REXO2: variants seen among roughly 807,000 people sequenced by gnomAD.
The protein encoded by REXO2 is oligoribonuclease, mitochondrial.
REXO2 carries 17 observed loss-of-function variants against 30.9 expected under a neutral mutation model. That is an observed-to-expected ratio of 0.55 (90% confidence interval 0.38 to 0.82). The LOEUF (loss-of-function observed/expected upper bound fraction) is 0.82. REXO2 is among the 40% of genes least tolerant of loss of function. The pLI is 0.00. For synonymous variants in REXO2, 105 were observed against 99.6 expected, an observed-to-expected ratio of 1.05 and a Z score of -0.32; for missense variants, 253 against 293.2, an observed-to-expected ratio of 0.86 and a Z score of 1.00.
chr11:114,445,880 TAAA>T (rs1361629668), intron 4 of REXO2, 96 bp from the exon 5 acceptor site: 2 of 737,668 alleles, frequency 2.7e-6, no homozygotes, highest in Non-Finnish European at 4.7e-6. Flanking sequence ...GTTTGAATTT[TAAA>T]AAATCATCTC....
At chr11:114,445,609 C>T (rs1446445308) in intron 4 of REXO2, 2 of 160,146 alleles carry the variant, frequency 1.2e-5, no homozygotes, top group East Asian at 1.8e-4. Flanking sequence ...CTATGTGATT[C>T]AGTTAAATTT....
At chr11:114,447,399 T>C (rs1201121898) in intron 5 of REXO2, among the ~76,000 whole-genome samples, 5 of 152,138 alleles carry the variant, frequency 3.3e-5, no homozygotes, top group African/African-American at 1.2e-4. Flanking sequence ...ATGTTTGTAG[T>C]TTGAGCAGCT....
intron 1 of REXO2, chr11:114,440,059 A>G (rs930944558): frequency 4.1e-6 from 2 of 482,114 alleles, no homozygotes; most frequent in Non-Finnish European, 4.1e-6. Flanking sequence ...TGTTAGGGCC[A>G]GACGGGACTC....
intron 3 of REXO2, 138 bp downstream of exon 3, chr11:114,444,071 G>A: frequency 2.8e-6 from 2 of 714,580 alleles, no homozygotes; most frequent in Admixed American, 2.0e-5. Flanking sequence ...CTGGGAAACT[G>A]CTTGCTTGTT....
chr11:114,446,162 G>A, intron 5 of REXO2, 75 bp downstream of exon 5: 2 of 841,138 alleles, frequency 2.4e-6, no homozygotes, highest in South Asian at 1.8e-5. Context: ...GAAAGTAATT[G>A]GATAGAGCTG....
chr11:114,446,385 T>C (rs1946509996), intron 5 of REXO2: 2 of 222,306 alleles, frequency 9.0e-6, no homozygotes, highest in Admixed American at 1.1e-4. Flanking sequence ...AACATATAGA[T>C]GAAAAGCTCT....
At chr11:114,440,545 GCTATGGATTACAAGCTGA>G in intron 1 of REXO2, 93 bp from the exon 2 acceptor site, 1 of 772,298 alleles carries the variant, frequency 1.3e-6, no homozygotes, top group Non-Finnish European at 2.1e-6. Context: ...TTCTGTTTCG[GCTATGGATTACAAGCTGA>G]CTATGTTTGA....
At position 114,444,513 on chromosome 11, in the gene REXO2, G is replaced by A. The variant is rs964367752; in HGVS notation, c.310-28G>A. The A allele has an allele frequency of 1.5e-5, 23 of 1,525,874 alleles. No individual in the cohort carries two copies. The Admixed American group carries it at 3.0e-4, about 20-fold the overall frequency. 94.5% of individuals were successfully genotyped at this position (1,525,874 alleles called of 1,614,324 possible). ...AAAACTGACTTTACATGTGTTTTTG[G>A]TGGGGGGCTGGGGATTCTCTCTTGC... On this transcript the variant is annotated intron_variant, in intron 3 of 6. Coordinates refer to ENST00000265881, the MANE Select transcript of REXO2 (RefSeq NM_015523.4).
In REXO2 at chr11:114,450,102, G is replaced by C; in HGVS notation, c.*127G>C. ...CATCTCCAGATTGATTACTCAAGCA[G>C]ACAGCACACGAAATACTATTTTTCT... On this transcript the variant is annotated 3_prime_UTR_variant, in exon 7 of 7. Coordinates refer to ENST00000265881, the MANE Select transcript of REXO2 (RefSeq NM_015523.4). 2 of 887,724 alleles carry C rather than the reference G, an allele frequency of 2.3e-6. No individual in the cohort carries two copies. Among genetic ancestry groups the C allele is most frequent in the Non-Finnish European group, 3.4e-6 (2 of 589,438 alleles). 55.0% of individuals were successfully genotyped at this position (887,724 alleles called of 1,614,324 possible).
intron 1 of REXO2, 79 bp downstream of exon 1, chr11:114,439,754 A>T: frequency 1.4e-6 from 2 of 1,415,524 alleles, no homozygotes; most frequent in South Asian, 3.0e-5. Context: ...CCGTCCTGGG[A>T]GAGCGTTGGG....
intron 6 of REXO2, 130 bp from the exon 7 acceptor site, chr11:114,449,716 A>G (rs1946533352): frequency 1.2e-6 from 1 of 807,944 alleles, no homozygotes; most frequent in Non-Finnish European, 1.8e-6. Context: ...TCTACTTTTG[A>G]TGATGCTAGA....
At chr11:114,441,392 TAA>T (rs1231297063) in intron 2 of REXO2, among the ~76,000 whole-genome samples, 2 of 152,230 alleles carry the variant, frequency 1.3e-5, no homozygotes, top group African/African-American at 2.4e-5. Flanking sequence ...TGCACACCCG[TAA>T]AGTGTTCTGT....
chr11:114,444,947 T>G (rs185357726), intron 4 of REXO2, among the ~76,000 whole-genome samples: 2 of 152,356 alleles, frequency 1.3e-5, no homozygotes, highest in Non-Finnish European at 1.5e-5. Context: ...TTAGTAATTG[T>G]TAACCTTGTG....
intron 2 of REXO2, among the ~76,000 whole-genome samples, chr11:114,442,242 C>T (rs1946483847): frequency 6.6e-6 from 1 of 151,506 alleles, no homozygotes; most frequent in Non-Finnish European, 1.5e-5. Flanking sequence ...ATGTTTTATG[C>T]TGGTAGAAGA....
At chr11:114,447,794 T>C in intron 5 of REXO2, 32 bp from the exon 6 acceptor site, 1 of 1,587,748 alleles carries the variant, frequency 6.3e-7, no homozygotes, top group Non-Finnish European at 8.6e-7. Flanking sequence ...TGAGACAGCT[T>C]CCTTTGAGAG....
At chr11:114,443,784 C>T (rs1208464058) in intron 2 of REXO2, 72 bp from the exon 3 acceptor site, 9 of 1,124,128 alleles carry the variant, frequency 8.0e-6, no homozygotes, top group Middle Eastern at 2.0e-4. Context: ...CTTAAAACAG[C>T]TTAAGCTTTC....
Position 114,450,074 on chromosome 11 carries a change from T to C in REXO2, c.*99T>C, listed in dbSNP as rs1946535890. 8.2e-7 allele frequency: 1 copy of C among 1,217,454 alleles called. No individual in the cohort carries two copies. The highest frequency in any genetic ancestry group is 1.5e-5 in the South Asian group (1 of 67,868). The allele number at this position is 1,217,454 out of a possible 1,614,324, so 75.4% of individuals were successfully genotyped here. On this transcript the variant is annotated 3_prime_UTR_variant, in exon 7 of 7. Transcript: ENST00000265881. ...GCTTGGCAGAGCACCTTCGGTTAACTTGCATCTCCAGATTGATTACTCAAG... is the reference window on the plus strand; with the variant it reads ...GCTTGGCAGAGCACCTTCGGTTAACCTGCATCTCCAGATTGATTACTCAAG...
At chr11:114,445,710 C>T (rs1316352404) in intron 4 of REXO2, 1 of 306,988 alleles carries the variant, frequency 3.3e-6, no homozygotes, top group African/African-American at 2.2e-5. Context: ...TTGTGCATTA[C>T]ATCAAGCATG....
At chr11:114,446,969 C>G (rs938304372) in intron 5 of REXO2, among the ~76,000 whole-genome samples, 1 of 124,074 alleles carries the variant, frequency 8.1e-6, no homozygotes, top group African/African-American at 3.1e-5. Flanking sequence ...GACGGAGTCT[C>G]GTTCTGTCGC....
Sources: allele counts gnomAD v4.1 joint callset (sites outside exome capture counted in the v4.1 genomes callset), GRCh38; gene constraint gnomAD v4.1.1; transcripts MANE v1.5; gene names NCBI Gene and HGNC (gene_info 2026-07-23, HGNC 2026-07-21).